Variants in DNAH11 observed in about 807,000 individuals in gnomAD.
DNAH11 encodes axonemal beta dynein heavy chain 11.
In DNAH11, 442 loss-of-function variants were observed where a neutral mutation model predicts 526.0. The observed-to-expected ratio is 0.84, with a 90% CI of 0.78 to 0.91. DNAH11 has a LOEUF of 0.91. Ranked by LOEUF, DNAH11 falls within the 40% of genes least tolerant of loss-of-function variation. The pLI is 0.00. For missense variants in DNAH11, 6,989 were observed against 5,448.7 expected, an observed-to-expected ratio of 1.28 and a Z score of -8.90; for synonymous variants, 2,461 against 1,935.9, an observed-to-expected ratio of 1.27 and a Z score of -7.12.
At chr7:21,807,858 C>T (rs1405500095) in intron 62 of DNAH11, 25 bp from the exon 63 acceptor site, 1 of 1,575,982 alleles carries the variant, frequency 6.3e-7, no homozygotes, top group East Asian at 2.3e-5. Context: ...GCAATTACAG[C>T]TGAGTAATTT....
chr7:21,578,972 C>G (rs1784210948), intron 8 of DNAH11, among the ~76,000 whole-genome samples: 1 of 152,194 alleles, frequency 6.6e-6, no homozygotes, highest in African/African-American at 2.4e-5. Context: ...TGTAATCTTG[C>G]TCATTTTCTC....
chr7:21,580,001 G>A (rs1305782251), intron 8 of DNAH11, among the ~76,000 whole-genome samples: 1 of 152,156 alleles, frequency 6.6e-6, no homozygotes, highest in Non-Finnish European at 1.5e-5. Flanking sequence ...CTATTAGGGT[G>A]TATAAAAAGA....
In DNAH11 at chr7:21,619,165, G is replaced by A; in HGVS notation, c.4320G>A (p.Val1440=). The A allele has an allele frequency of 6.2e-7, 1 of 1,613,572 alleles. No individual in the cohort carries two copies. Among genetic ancestry groups the A allele is most frequent in the Non-Finnish European group, 8.5e-7 (1 of 1,179,678 alleles). ...ADLLALRLHR[V]EDDVRRIVDK... ...TGTTAGCACTGCGGTTACACAGAGT[G>A]GAAGATGATGTCCGAAGGATTGTGG... The change falls in exon 24 of 82, where the codon GTG becomes GTA. Residue 1440 remains valine (V), a synonymous_variant. Transcript: ENST00000409508.
At chr7:21,848,579 G>C (rs905787488) in intron 66 of DNAH11, among the ~76,000 whole-genome samples, 3 of 151,758 alleles carry the variant, frequency 2.0e-5, no homozygotes, top group East Asian at 1.9e-4. Context: ...TATGATTCCA[G>C]TGTCTTCTTT....
chr7:21,801,050 A>G, intron 61 of DNAH11, 87 bp from the exon 62 acceptor site: 10 of 1,415,362 alleles, frequency 7.1e-6, no homozygotes, highest in Non-Finnish European at 9.7e-6. Context: ...TTGTCCATTT[A>G]CCTTACAGTA....
At position 21,748,774 on chromosome 7, in the gene DNAH11, C is replaced by T. The variant is rs370252071; in HGVS notation, c.8673+32C>T. ...CAAGGGGACAGGCAGTTCTTCTGAC[C>T]CTTCTGCTTGGCAGATAAAGCCGAG... On this transcript the variant is annotated intron_variant, in intron 52 of 81. Transcript: ENST00000409508. 7 of 1,586,032 alleles carry T rather than the reference C, an allele frequency of 4.4e-6. No individual in the cohort carries two copies. The African/African-American group carries it at 5.4e-5, about 12-fold the overall frequency.
chr7:21,623,514 A>G (rs1198953064), intron 25 of DNAH11, among the ~76,000 whole-genome samples: 3 of 152,228 alleles, frequency 2.0e-5, no homozygotes, highest in South Asian at 2.1e-4. Flanking sequence ...ACACATGCAC[A>G]CGTATGTTTA....
intron 63 of DNAH11, among the ~76,000 whole-genome samples, chr7:21,816,105 G>C (rs1789778520): frequency 6.6e-6 from 1 of 152,098 alleles, no homozygotes; most frequent in Admixed American, 6.6e-5. Context: ...GCTTATGTGG[G>C]GGTGGGGGGC....
At chr7:21,618,372 A>C (rs907135348) in intron 23 of DNAH11, 1 of 152,840 alleles carries the variant, frequency 6.5e-6, no homozygotes, top group South Asian at 2.1e-4. Flanking sequence ...TCCAAGAAGC[A>C]GATTCTGGAT....
intron 58 of DNAH11, among the ~76,000 whole-genome samples, chr7:21,785,822 T>C (rs1788151018): frequency 6.6e-6 from 1 of 152,218 alleles, no homozygotes; most frequent in Non-Finnish European, 1.5e-5. Flanking sequence ...ACCAAATAAA[T>C]AGGCAGCTTC....
At chr7:21,579,260 C>G (rs553668411) in intron 8 of DNAH11, among the ~76,000 whole-genome samples, 1 of 152,308 alleles carries the variant, frequency 6.6e-6, no homozygotes, top group East Asian at 1.9e-4. Context: ...CTGAACAATA[C>G]TAGCACATCA....
In DNAH11 at chr7:21,749,731, G is replaced by A. The variant is rs774256070; in HGVS notation, c.8727G>A (p.Val2909=). ...IRTGAKNMPT[V]FLLTDAQVLD... is the part of the protein sequence containing the mutation. The stretch of plus-strand genomic sequence containing the variant: ...CTGGAGCCAAGAACATGCCCACTGT[G>A]TTCCTGCTGACAGATGCCCAGGTTC... The change falls in exon 53 of 82, where the codon GTG becomes GTA. Residue 2909 remains valine (V), a synonymous_variant. Coordinates refer to ENST00000409508, the MANE Select transcript of DNAH11 (RefSeq NM_001277115.2). 1 of 1,613,992 alleles carries A rather than the reference G, an allele frequency of 6.2e-7. No homozygotes were observed. The highest frequency in any genetic ancestry group is 1.7e-5 in the Admixed American group (1 of 60,016).
intron 55 of DNAH11, among the ~76,000 whole-genome samples, chr7:21,767,890 C>A (rs181707305): frequency 2.0e-5 from 3 of 152,044 alleles, no homozygotes; most frequent in African/African-American, 7.2e-5. Context: ...TAATTATTGA[C>A]GTCATTTGCT....
chr7:21,845,357 C>T (rs138599938), intron 66 of DNAH11, among the ~76,000 whole-genome samples: 30 of 152,032 alleles, frequency 2.0e-4, no homozygotes, highest in African/African-American at 6.8e-4. Context: ...ACATTTAGCT[C>T]TGTTGTATAT....
At chr7:21,756,515 A>G (rs1032724118) in intron 54 of DNAH11, among the ~76,000 whole-genome samples, 2 of 152,040 alleles carry the variant, frequency 1.3e-5, no homozygotes, top group Admixed American at 6.6e-5. Context: ...TGCACCTTTA[A>G]TTTCCTGGAT....
chr7:21,595,202 C>T (rs1784820229), intron 14 of DNAH11, among the ~76,000 whole-genome samples: 14 of 152,198 alleles, frequency 9.2e-5, no homozygotes, highest in Admixed American at 9.2e-4. Flanking sequence ...TCATTGTGTC[C>T]TCACATGGAG....
intron 29 of DNAH11, among the ~76,000 whole-genome samples, chr7:21,658,364 A>G (rs1197440174): frequency 6.6e-6 from 1 of 152,158 alleles, no homozygotes; most frequent in Non-Finnish European, 1.5e-5. Flanking sequence ...ATAGAAAAAA[A>G]TTTAACTGAA....
chr7:21,626,795 G>C (rs2128456636), intron 25 of DNAH11, among the ~76,000 whole-genome samples: 1 of 134,708 alleles, frequency 7.4e-6, no homozygotes, highest in East Asian at 2.2e-4. Context: ...CTGTCACCCA[G>C]GCTGGAGTAC....
At chr7:21,899,741 C>G (rs139972975) in intron 80 of DNAH11, among the ~76,000 whole-genome samples, 181 of 152,296 alleles carry the variant, frequency 1.2e-3, no homozygotes, top group African/African-American at 4.2e-3. Flanking sequence ...TACTGTAGTG[C>G]GAAAACCACA....
Sources: allele counts gnomAD v4.1 joint callset (sites outside exome capture counted in the v4.1 genomes callset), GRCh38; gene constraint gnomAD v4.1.1; transcripts MANE v1.5; gene names NCBI Gene and HGNC (gene_info 2026-07-23, HGNC 2026-07-21).